Variants in NSMAF observed in about 807,000 individuals in gnomAD.
NSMAF encodes the protein neutral sphingomyelinase activation associated factor.
A neutral mutation model predicts 134.9 loss-of-function variants in NSMAF; 90 were observed. That is an observed-to-expected ratio of 0.67 (90% CI 0.56 to 0.79). The LOEUF is 0.79. NSMAF is among the 30% of genes least tolerant of loss of function. The pLI is 0.00. For synonymous variants in NSMAF, 358 were observed against 389.6 expected (o/e 0.92, Z 0.96); for missense variants, 1,010 against 1,119.0 (o/e 0.90, Z 1.39).
At position 58,658,695 on chromosome 8, in the gene NSMAF, G is replaced by A. The variant is rs992211874; in HGVS notation, c.59+878C>T. 5.3e-5 allele frequency among the ~76,000 whole-genome samples: 8 copies of A among 152,194 alleles called. No individual in the cohort carries two copies. In the South Asian group the frequency reaches 1.2e-3, roughly 24 times the overall value. ...CTTTCCTTTTGGCATCTGAGCTGCA[G>A]ACCGAGCAAGTTGTTTCTGTCACCA... On this transcript the variant is annotated intron_variant, in intron 1 of 30. Transcript: ENST00000038176.
chr8:58,642,908 T>G (rs1807367898), intron 2 of NSMAF, 76 bp downstream of exon 2: 3 of 1,079,444 alleles, frequency 2.8e-6, no homozygotes, highest in African/African-American at 1.6e-5. Flanking sequence ...AACACCTATA[T>G]GATCACACAT....
At chr8:58,593,457 T>C (rs1806064592) in intron 23 of NSMAF, among the ~76,000 whole-genome samples, 1 of 152,216 alleles carries the variant, frequency 6.6e-6, no homozygotes, top group Admixed American at 6.5e-5. Context: ...TATAATCTCC[T>C]ATGATAAAGA....
chr8:58,597,537 C>T lies in NSMAF; in HGVS notation c.1642G>A (p.Asp548Asn), dbSNP rs769420653. ...GVDLNSIQDP[D>N]EKVAMLTQIL... ...TGCGTAAGCATGGCTACCTTCTCAT[C>T]AGGATCCTGGATGCTTTGGGACAGA... The change falls in exon 21 of 31, where the codon GAT becomes AAT. Residue 548 changes from aspartate (D) to asparagine (N), a missense_variant. Physicochemically the swap from Asp to Asn is conservative, Grantham distance 23 (BLOSUM62 1). Coordinates refer to ENST00000038176, the MANE Select transcript of NSMAF (RefSeq NM_003580.4). 7 of 1,614,142 alleles carry T rather than the reference C, an allele frequency of 4.3e-6. No homozygotes were observed. Among genetic ancestry groups the T allele is most frequent in the Non-Finnish European group, 8.5e-7 (1 of 1,179,992 alleles).
chr8:58,644,816 C>A (rs1024909573), intron 1 of NSMAF, among the ~76,000 whole-genome samples: 1 of 152,066 alleles, frequency 6.6e-6, no homozygotes, highest in Non-Finnish European at 1.5e-5. Context: ...TCCTTTGCAG[C>A]GACATGGATG....
chr8:58,659,415 C>A (rs1807807160), intron 1 of NSMAF, 158 bp downstream of exon 1: 1 of 1,511,284 alleles, frequency 6.6e-7, no homozygotes, highest in African/African-American at 1.4e-5. Flanking sequence ...CCTCAGGTTT[C>A]CGCCACAGCC....
At chr8:58,658,269 C>T (rs1807766841) in intron 1 of NSMAF, among the ~76,000 whole-genome samples, 1 of 152,184 alleles carries the variant, frequency 6.6e-6, no homozygotes, top group Admixed American at 6.5e-5. Context: ...AGGGCATCCC[C>T]AAGTGTGAGT....
rs1369568801 is a variant in NSMAF at position 58,623,597 on chromosome 8, G to C, written c.456+112C>G. 3.7e-6 allele frequency: 4 copies of C among 1,091,960 alleles called. No individual in the cohort carries two copies. The African/African-American group carries it at 4.8e-5, about 13-fold the overall frequency. 67.6% of individuals were successfully genotyped at this position (1,091,960 alleles called of 1,614,324 possible). ...TAAACTCAACATTTTAAGTCAATCT[G>C]CTACATATTTAGAAAACAGATGATG... On this transcript the variant is annotated intron_variant, in intron 7 of 30. Transcript: ENST00000038176.
chr8:58,635,152 C>T (rs1807140665), intron 5 of NSMAF, 37 bp downstream of exon 5: 1 of 1,499,428 alleles, frequency 6.7e-7, no homozygotes, highest in Admixed American at 1.7e-5. Context: ...TAAGAATGTT[C>T]ATTCAGATTA....
chr8:58,645,851 G>A (rs1320476316), intron 1 of NSMAF, among the ~76,000 whole-genome samples: 1 of 152,134 alleles, frequency 6.6e-6, no homozygotes, highest in African/African-American at 2.4e-5. Context: ...GACCAGCCTG[G>A]TCAACATGGT....
At chr8:58,624,503 T>C (rs563699868) in intron 6 of NSMAF, among the ~76,000 whole-genome samples, 2 of 152,336 alleles carry the variant, frequency 1.3e-5, no homozygotes, top group African/African-American at 4.8e-5. Flanking sequence ...CTTTTTTTTT[T>C]TCTTTGACCC....
intron 12 of NSMAF, among the ~76,000 whole-genome samples, chr8:58,605,181 A>C (rs1320975752): frequency 1.3e-5 from 2 of 152,220 alleles, no homozygotes. Flanking sequence ...TCTCTGGCAA[A>C]GGTGGGAAAA....
intron 16 of NSMAF, 21 bp from the exon 17 acceptor site, chr8:58,600,042 C>T: frequency 6.3e-7 from 1 of 1,593,868 alleles, no homozygotes; most frequent in Non-Finnish European, 8.6e-7. Context: ...AAAAAAAATT[C>T]ACCTATTTTC....
intron 9 of NSMAF, 123 bp from the exon 10 acceptor site, chr8:58,609,856 GA>G: frequency 2.4e-6 from 2 of 830,824 alleles, no homozygotes; most frequent in Non-Finnish European, 3.6e-6. Context: ...TTTAATATAA[GA>G]AAAATGGTAA....
chr8:58,585,303 T>A (rs1052542243), intron 30 of NSMAF, among the ~76,000 whole-genome samples: 2 of 150,900 alleles, frequency 1.3e-5, no homozygotes, highest in African/African-American at 4.9e-5. Context: ...TAGTTCCTAT[T>A]GTATTGTTTC....
At chr8:58,626,781 C>T (rs1271595177) in intron 6 of NSMAF, among the ~76,000 whole-genome samples, 1 of 152,144 alleles carries the variant, frequency 6.6e-6, no homozygotes, top group Admixed American at 6.5e-5. Context: ...TAAGGAATCT[C>T]TATACTGTTT....
chr8:58,621,565 A>G (rs1158282293), intron 9 of NSMAF, among the ~76,000 whole-genome samples: 2 of 152,218 alleles, frequency 1.3e-5, no homozygotes, highest in Non-Finnish European at 2.9e-5. Flanking sequence ...ACTAATTTAC[A>G]CTGCCACCAA....
chr8:58,619,059 TAG>T (rs1407181978), intron 9 of NSMAF, among the ~76,000 whole-genome samples: 2 of 152,156 alleles, frequency 1.3e-5, no homozygotes, highest in Non-Finnish European at 2.9e-5. Context: ...ACATTCTAAG[TAG>T]GTCAGAAGAA....
chr8:58,617,187 G>C (rs1243532541), intron 9 of NSMAF, among the ~76,000 whole-genome samples: 1 of 152,060 alleles, frequency 6.6e-6, no homozygotes, highest in Non-Finnish European at 1.5e-5. Context: ...TTAAATGTTA[G>C]ACCTAAAACC....
intron 10 of NSMAF, among the ~76,000 whole-genome samples, chr8:58,608,926 T>C (rs1806465169): frequency 6.6e-6 from 1 of 152,224 alleles, no homozygotes; most frequent in African/African-American, 2.4e-5. Flanking sequence ...TTCTGTTCTT[T>C]TAATGGATCA....
Sources: gnomAD v4.1 joint callset for allele counts (sites outside exome capture counted in the v4.1 genomes callset) on GRCh38, gnomAD v4.1.1 for gene constraint, MANE v1.5 for transcripts, NCBI Gene and HGNC (gene_info 2026-07-23, HGNC 2026-07-21) for gene names.